Variants in UBAP2 observed in about 807,000 individuals in gnomAD.
UBAP2 encodes ubiquitin-associated protein 2.
In UBAP2, 75 loss-of-function variants were observed where a neutral mutation model predicts 139.6. The ratio of observed to expected loss-of-function variants is 0.54; its 90% confidence interval spans 0.45 to 0.65. The LOEUF (loss-of-function observed/expected upper bound fraction) is 0.65, where lower values mean the gene tolerates loss of function less well. Among genes scored for constraint, UBAP2 ranks in the 30% least tolerant of loss-of-function variants. The pLI is 0.00. For synonymous variants in UBAP2, 526 were observed against 526.2 expected, an observed-to-expected ratio of 1.00 and a Z score of 0.01; for missense variants, 1,368 against 1,369.6, an observed-to-expected ratio of 1.00 and a Z score of 0.02.
intron 21 of UBAP2, 117 bp downstream of exon 21, chr9:33,926,872 C>G (rs1823479360): frequency 5.5e-6 from 6 of 1,095,508 alleles, no homozygotes; most frequent in Non-Finnish European, 8.2e-6. Context: ...CGGGGGTGCT[C>G]AGGGATGGAA....
At chr9:34,041,598 G>C (rs893334379) in intron 1 of UBAP2, among the ~76,000 whole-genome samples, 2 of 152,066 alleles carry the variant, frequency 1.3e-5, no homozygotes, top group African/African-American at 2.4e-5. Flanking sequence ...TCGGGAGGCC[G>C]AGGCAGGAGA....
At chr9:33,989,151 C>A in intron 4 of UBAP2, 25 bp from the exon 5 acceptor site, 1 of 1,576,392 alleles carries the variant, frequency 6.3e-7, no homozygotes, top group South Asian at 1.2e-5. Context: ...GGCTGTTAAT[C>A]ATTTATCATT....
At chr9:34,046,674 A>G (rs1019141445) in intron 1 of UBAP2, among the ~76,000 whole-genome samples, 13 of 143,288 alleles carry the variant, frequency 9.1e-5, no homozygotes, top group Admixed American at 9.0e-4. Context: ...AAAAAAAAAG[A>G]AGGCTTCACT....
intron 1 of UBAP2, among the ~76,000 whole-genome samples, chr9:34,022,429 ACC>A (rs1338661445): frequency 9.4e-6 from 1 of 105,940 alleles, no homozygotes; most frequent in Non-Finnish European, 1.9e-5. Flanking sequence ...ACACAGCAAG[ACC>A]CCTTTTTTTT....
chr9:34,004,294 A>G (rs968665717), intron 2 of UBAP2, among the ~76,000 whole-genome samples: 1 of 152,132 alleles, frequency 6.6e-6, no homozygotes, highest in African/African-American at 2.4e-5. Context: ...TTAGCTCACT[A>G]TTAAGACTGC....
At chr9:33,981,285 TATATATATATATTCTGG>T (rs1564044751) in intron 6 of UBAP2, among the ~76,000 whole-genome samples, 21 of 71,138 alleles carry the variant, frequency 3.0e-4, no homozygotes, top group Admixed American at 1.0e-3. Context: ...ATATTCTGGA[TATATATATATATTCTGG>T]ATATATATAT....
intron 13 of UBAP2, 102 bp downstream of exon 13, chr9:33,948,272 C>T: frequency 9.6e-7 from 1 of 1,045,600 alleles, no homozygotes; most frequent in Non-Finnish European, 1.3e-6. Flanking sequence ...TAAAAAGAAA[C>T]ATCTCTGGAC....
chr9:33,935,918 A>G, intron 16 of UBAP2, 40 bp from the exon 17 acceptor site: 1 of 1,593,148 alleles, frequency 6.3e-7, no homozygotes, highest in Non-Finnish European at 8.5e-7. Flanking sequence ...AACTTACAAA[A>G]TGAAATCATT....
chr9:33,947,091 T>C (rs933707203), intron 13 of UBAP2, among the ~76,000 whole-genome samples: 1 of 152,170 alleles, frequency 6.6e-6, no homozygotes, highest in African/African-American at 2.4e-5. Flanking sequence ...CTATGTGCTA[T>C]AGCAAAAAAT....
chr9:33,935,875 CATTCTATAAGGAAAAGAAGAGA>C lies in UBAP2; in HGVS notation c.1930-19_1932del. ...TGCTGACTTCGACCACCACCATGTCCATTCTATAAGGAAAAGAAGAGAAGAGAATATAAACTTACAAAATGAA... is the reference window on the plus strand; with the variant it reads ...TGCTGACTTCGACCACCACCATGTCCAGAGAATATAAACTTACAAAATGAA... On this transcript the variant is annotated splice_acceptor_variant and splice_polypyrimidine_tract_variant and coding_sequence_variant and intron_variant, in exon 17 of 29. Transcript: ENST00000379238. LOFTEE classifies it high-confidence loss of function. 1 of 1,612,680 alleles carries C rather than the reference CATTCTATAAGGAAAAGAAGAGA, an allele frequency of 6.2e-7. No homozygotes were observed. The highest frequency in any genetic ancestry group is 1.3e-5 in the African/African-American group (1 of 74,986).
At position 34,015,323 on chromosome 9, in the gene UBAP2, G is replaced by A. The variant is rs184037864; in HGVS notation, c.99+1727C>T. 1.8e-3 allele frequency among the ~76,000 whole-genome samples: 281 copies of A among 151,944 alleles called. 2 individuals carry two copies. The highest frequency in any genetic ancestry group is 8.4e-4 in the Non-Finnish European group (57 of 67,926). On this transcript the variant is annotated intron_variant, in intron 2 of 28. Coordinates refer to ENST00000379238, the MANE Select transcript of UBAP2 (RefSeq NM_001370062.2). ...AACATTAAAAATTTTATTCAAATGG[G>A]TCTTTGTTTTATTGAGACAGAGTCT...
chr9:34,010,473 T>C (rs1823661626), intron 2 of UBAP2, among the ~76,000 whole-genome samples: 2 of 148,456 alleles, frequency 1.3e-5, no homozygotes, highest in Non-Finnish European at 3.0e-5. Context: ...TAATACACCC[T>C]AGTCAATGAC....
Position 33,953,312 on chromosome 9 carries a change from G to T in UBAP2, c.1029C>A (p.Ala343=). The T allele has an allele frequency of 6.2e-7, 1 of 1,614,118 alleles. No homozygotes were observed. Among genetic ancestry groups the T allele is most frequent in the Non-Finnish European group, 8.5e-7 (1 of 1,180,002 alleles). ...GGCTCTGAGGAGAACAGGAGTTGAC[G>T]GCAGTGGAGCTGCCAGTCCCTGGTG... is the stretch of plus-strand genomic sequence containing the variant. The part of the protein sequence containing the change: ...QMAPGTGSST[A]VNSCSPQSLS... The change falls in exon 12 of 29, where the codon GCC becomes GCA. Residue 343 remains alanine (A), a synonymous_variant. Coordinates refer to ENST00000379238, the MANE Select transcript of UBAP2 (RefSeq NM_001370062.2).
At chr9:33,923,552 C>G in intron 24 of UBAP2, 74 bp from the exon 25 acceptor site, 1 of 1,443,938 alleles carries the variant, frequency 6.9e-7, no homozygotes, top group Non-Finnish European at 9.7e-7. Context: ...CCTGCCAGAG[C>G]CTAAGGCAGC....
Position 33,941,726 on chromosome 9 carries a change from C to T in UBAP2, c.1852G>A (p.Asp618Asn), listed in dbSNP as rs1564023023. The T allele has an allele frequency of 1.2e-6, 2 of 1,614,072 alleles. No homozygotes were observed. The highest frequency in any genetic ancestry group is 1.6e-4 in the Middle Eastern group (1 of 6,062). ...ATCCTGTTATGCACAGAACTCTGGT[C>T]ATAAGAGGAAGACATTGCTACTGGA... ...ASPVAMSSSY[D>N]QSSVHNRIPY... The change falls in exon 16 of 29, where the codon GAC (aspartate) becomes AAC (asparagine). Residue 618 changes from aspartate to asparagine, a missense_variant. By Grantham distance (23) the Asp-to-Asn change is conservative (BLOSUM62 1). Transcript: ENST00000379238.
At chr9:34,045,139 A>G (rs1236834781) in intron 1 of UBAP2, among the ~76,000 whole-genome samples, 6 of 151,974 alleles carry the variant, frequency 3.9e-5, no homozygotes, top group Non-Finnish European at 7.4e-5. Context: ...CGAGGTTAGG[A>G]GATCAAGACC....
intron 2 of UBAP2, among the ~76,000 whole-genome samples, chr9:34,010,748 G>T (rs1377014781): frequency 6.6e-6 from 1 of 152,054 alleles, no homozygotes; most frequent in Non-Finnish European, 1.5e-5. Context: ...GTGTTAAACA[G>T]GAGCTACAAC....
intron 10 of UBAP2, among the ~76,000 whole-genome samples, chr9:33,957,755 A>G (rs1181216402): frequency 6.6e-6 from 1 of 152,204 alleles, no homozygotes; most frequent in Non-Finnish European, 1.5e-5. Flanking sequence ...CATAATTCTT[A>G]TCAACTCTAA....
At chr9:34,038,623 C>T (rs1369232230) in intron 1 of UBAP2, among the ~76,000 whole-genome samples, 1 of 152,166 alleles carries the variant, frequency 6.6e-6, no homozygotes, top group Admixed American at 6.5e-5. Context: ...GGCGTGATCT[C>T]GGCTCACTAC....
Sources: allele counts gnomAD v4.1 joint callset (sites outside exome capture counted in the v4.1 genomes callset), GRCh38; gene constraint gnomAD v4.1.1; transcripts MANE v1.5; gene names NCBI Gene and HGNC (gene_info 2026-07-23, HGNC 2026-07-21).